The following ZNF385D variants were observed in gnomAD, a reference collection of about 807,000 sequenced individuals.
The protein encoded by ZNF385D is zinc finger protein 385D, also known as zinc finger protein 659.
A neutral mutation model predicts 35.8 loss-of-function variants in ZNF385D; 15 were observed. The observed-to-expected ratio is 0.42, with a 90% CI of 0.28 to 0.64. The LOEUF is 0.64. ZNF385D is among the 30% of genes least tolerant of loss of function. The pLI is 0.23. For synonymous variants in ZNF385D, 212 were observed against 186.8 expected, an observed-to-expected ratio of 1.13 and a Z score of -1.10; for missense variants, 474 against 494.6, an observed-to-expected ratio of 0.96 and a Z score of 0.39.
chr3:22,133,652 T>A (rs1045840043), intron 3 of ZNF385D: 2 of 151,892 alleles, frequency 1.3e-5, no homozygotes, highest in African/African-American at 4.8e-5. Context: ...TTCTACTACA[T>A]AGAACTGAAA....
At chr3:21,842,816 T>C (rs1370114908) in intron 3 of ZNF385D, among the ~76,000 whole-genome samples, 2 of 152,026 alleles carry the variant, frequency 1.3e-5, no homozygotes, top group Non-Finnish European at 1.5e-5. Context: ...TGCAGAAAAA[T>C]TATTTTGATA....
At chr3:22,072,939 A>G (rs2125565913) in intron 3 of ZNF385D, among the ~76,000 whole-genome samples, 1 of 152,124 alleles carries the variant, frequency 6.6e-6, no homozygotes, top group Non-Finnish European at 1.5e-5. Context: ...ATTTGTCCTG[A>G]GCACATAGAG....
At chr3:21,843,768 T>C (rs1482772122) in intron 3 of ZNF385D, among the ~76,000 whole-genome samples, 1 of 151,962 alleles carries the variant, frequency 6.6e-6, no homozygotes, top group Non-Finnish European at 1.5e-5. Context: ...ATGAAAGAGT[T>C]ATTTCAATAT....
intron 3 of ZNF385D, among the ~76,000 whole-genome samples, chr3:22,136,583 C>A (rs1704130432): frequency 6.6e-6 from 1 of 152,044 alleles, no homozygotes; most frequent in African/African-American, 2.4e-5. Context: ...ATCCAATTTA[C>A]AAACCAGAAA....
intron 2 of ZNF385D, among the ~76,000 whole-genome samples, chr3:22,288,704 T>G (rs1002671423): frequency 3.3e-5 from 5 of 152,152 alleles, no homozygotes; most frequent in African/African-American, 1.2e-4. Context: ...AAATCACATA[T>G]CTCCATATCC....
intron 2 of ZNF385D, among the ~76,000 whole-genome samples, chr3:22,298,497 TAA>T (rs1559505968): frequency 6.9e-6 from 1 of 144,006 alleles, no homozygotes; most frequent in East Asian, 2.0e-4. Context: ...ATATAATATA[TAA>T]ATATACATAA....
intron 3 of ZNF385D, among the ~76,000 whole-genome samples, chr3:22,069,828 C>A (rs1700144054): frequency 6.6e-6 from 1 of 152,084 alleles, no homozygotes; most frequent in African/African-American, 2.4e-5. Context: ...CCCAAGCCAG[C>A]CACGTAGGAA....
chr3:22,107,243 G>A (rs538265543), intron 3 of ZNF385D, among the ~76,000 whole-genome samples: 3 of 151,770 alleles, frequency 2.0e-5, no homozygotes, highest in South Asian at 4.2e-4. Flanking sequence ...GGCTGGTCTC[G>A]AACTCCCGAC....
chr3:21,693,089 C>T (rs1165796913), intron 1 of ZNF385D, among the ~76,000 whole-genome samples: 1 of 152,164 alleles, frequency 6.6e-6, no homozygotes. Flanking sequence ...AACTCCTTGC[C>T]TACAATGGGT....
intron 5 of ZNF385D, among the ~76,000 whole-genome samples, chr3:21,434,229 C>T (rs1701441680): frequency 1.3e-5 from 2 of 152,066 alleles, no homozygotes; most frequent in Non-Finnish European, 2.9e-5. Flanking sequence ...TCATGCATTC[C>T]GTTTGGGCTG....
chr3:21,783,894 C>A (rs770982302), intron 3 of ZNF385D, among the ~76,000 whole-genome samples: 1 of 152,108 alleles, frequency 6.6e-6, no homozygotes, highest in Non-Finnish European at 1.5e-5. Context: ...ATATCTTGAT[C>A]GACACCCACT....
At chr3:21,581,798 C>G (rs2063674321) in intron 2 of ZNF385D, among the ~76,000 whole-genome samples, 1 of 152,128 alleles carries the variant, frequency 6.6e-6, no homozygotes, top group African/African-American at 2.4e-5. Flanking sequence ...TAGCTATTCT[C>G]AACCCTGGCT....
At chr3:22,325,344 C>T (rs150827557) in intron 2 of ZNF385D, among the ~76,000 whole-genome samples, 1 of 152,278 alleles carries the variant, frequency 6.6e-6, no homozygotes, top group African/African-American at 2.4e-5. Flanking sequence ...TGAGAAGGGG[C>T]AGGTGGTACA....
At chr3:22,140,859 C>T (rs956294417) in intron 3 of ZNF385D, among the ~76,000 whole-genome samples, 3 of 152,136 alleles carry the variant, frequency 2.0e-5, no homozygotes, top group Non-Finnish European at 2.9e-5. Context: ...TTAATTAGTT[C>T]CATTATTATC....
chr3:21,788,655 GTTGC>G (rs985265133), intron 3 of ZNF385D, among the ~76,000 whole-genome samples: 9 of 152,092 alleles, frequency 5.9e-5, no homozygotes, highest in African/African-American at 2.2e-4. Context: ...TTATTTTTCT[GTTGC>G]TTTTTTAAAT....
chr3:21,804,587 C>T (rs1266667769), intron 3 of ZNF385D, among the ~76,000 whole-genome samples: 1 of 152,148 alleles, frequency 6.6e-6, no homozygotes. Flanking sequence ...GCAGAAAGTA[C>T]ATTTATGCAA....
At position 22,370,181 on chromosome 3, in the gene ZNF385D, T is replaced by C. The variant is rs114191354; in HGVS notation, c.106+2269A>G. ...CTCTTAATGGAAATTTAAAATCCTGTCAGGATCTGAGCTTTAATTATAAGC... is the reference window on the plus strand; with the variant it reads ...CTCTTAATGGAAATTTAAAATCCTGCCAGGATCTGAGCTTTAATTATAAGC... On this transcript the variant is annotated intron_variant, in intron 2 of 5. Coordinates refer to the ZNF385D transcript ENST00000494108. 6.9e-3 allele frequency among the ~76,000 whole-genome samples: 1,052 copies of C among 152,298 alleles called. 5 individuals carry two copies. Among genetic ancestry groups the C allele is most frequent in the Non-Finnish European group, 0.01 (698 of 68,014 alleles).
intron 2 of ZNF385D, among the ~76,000 whole-genome samples, chr3:22,258,938 A>T (rs1700464201): frequency 6.6e-6 from 1 of 151,846 alleles, no homozygotes; most frequent in Non-Finnish European, 1.5e-5. Context: ...TCCTGAGGGC[A>T]TGTATTGGAC....
chr3:21,501,020 C>G (rs1706316878), intron 4 of ZNF385D, among the ~76,000 whole-genome samples: 1 of 152,256 alleles, frequency 6.6e-6, no homozygotes, highest in East Asian at 1.9e-4. Flanking sequence ...CATCACTGCA[C>G]CCCGCATTTG....
Sources: allele counts gnomAD v4.1 joint callset (sites outside exome capture counted in the v4.1 genomes callset), GRCh38; gene constraint gnomAD v4.1.1; transcripts MANE v1.5; gene names NCBI Gene and HGNC (gene_info 2026-07-23, HGNC 2026-07-21).